Variants in CDC40 observed in about 807,000 individuals in gnomAD.
CDC40 encodes cell division cycle 40.
CDC40 carries 27 observed loss-of-function variants against 80.6 expected under a neutral mutation model. The observed-to-expected ratio is 0.33, with a 90% CI of 0.25 to 0.46. CDC40 has a LOEUF of 0.46. CDC40 is among the 20% of genes least tolerant of loss of function. CDC40 has a pLI of 1.00. For missense variants in CDC40, 486 were observed against 694.1 expected, an observed-to-expected ratio of 0.70 and a Z score of 3.37; for synonymous variants, 221 against 232.6, an observed-to-expected ratio of 0.95 and a Z score of 0.45.
chr6:110,214,455 A>G (rs553270782), intron 8 of CDC40, among the ~76,000 whole-genome samples: 3 of 152,336 alleles, frequency 2.0e-5, no homozygotes, highest in Admixed American at 1.3e-4. Context: ...TAAGTAAAGG[A>G]TGAGGAAACA....
Position 110,228,183 on chromosome 6 carries a change from T to G in CDC40, c.1418-649T>G, listed in dbSNP as rs934111437. 3.9e-5 allele frequency among the ~76,000 whole-genome samples: 6 copies of G among 152,288 alleles called. 1 individual carries two copies. Among genetic ancestry groups the G allele is most frequent in the Middle Eastern group, 6.8e-3 (2 of 294 alleles). On this transcript the variant is annotated intron_variant, in intron 13 of 14. Transcript: ENST00000307731. Reference sequence around the variant, plus strand: ...GAAAAGGTACAGTAAAATCTCAGCATAGAAAAGGTACAGTTAAAATTTAGC... The same window carrying G: ...GAAAAGGTACAGTAAAATCTCAGCAGAGAAAAGGTACAGTTAAAATTTAGC...
chr6:110,180,980 C>T (rs965390843), intron 1 of CDC40, among the ~76,000 whole-genome samples: 2 of 152,186 alleles, frequency 1.3e-5, no homozygotes, highest in Admixed American at 6.5e-5. Context: ...ATTGTGTGAG[C>T]AGTGGCCTCG....
intron 2 of CDC40, chr6:110,198,987 C>T (rs1777454874): frequency 6.6e-6 from 1 of 152,138 alleles, no homozygotes; most frequent in South Asian, 2.1e-4. Context: ...GAGCTGAGTC[C>T]TGCTAAGTAG....
rs1310347398 is a variant in CDC40 at position 110,198,861 on chromosome 6, T to G, written c.277-2697T>G. The G allele has an allele frequency of 2.0e-5, 3 of 152,170 alleles. No homozygotes were observed. In the East Asian group the frequency reaches 5.8e-4, roughly 29 times the overall value. The allele number at this position is 152,170 out of a possible 1,614,324, so 9.4% of individuals were successfully genotyped here. A position where few individuals can be genotyped will look rare whatever the true frequency, so the allele number is the denominator to read the frequency against. On this transcript the variant is annotated intron_variant, in intron 2 of 14. Transcript: ENST00000307731. ...AACTTGAAGTGTTTGGAAATCAAAT[T>G]TGTGTGTTTTCCATGTGTTCTGTTG...
Position 110,219,354 on chromosome 6 carries a change from T to C in CDC40, c.1091-10T>C. 8.0e-7 allele frequency: 1 copy of C among 1,243,872 alleles called. No homozygotes were observed. The highest frequency in any genetic ancestry group is 1.2e-6 in the Non-Finnish European group (1 of 859,860). 77.1% of individuals were successfully genotyped at this position (1,243,872 alleles called of 1,614,324 possible). Reference sequence around the variant, plus strand: ...TATTTTACCTATTTAATTTGAGTCTTTGGTTTTAGGACAGTGTATATCAAG... The same window carrying C: ...TATTTTACCTATTTAATTTGAGTCTCTGGTTTTAGGACAGTGTATATCAAG... On this transcript the variant is annotated splice_polypyrimidine_tract_variant and intron_variant, in intron 10 of 14. Coordinates refer to ENST00000307731, the MANE Select transcript of CDC40 (RefSeq NM_015891.3).
intron 1 of CDC40, among the ~76,000 whole-genome samples, chr6:110,186,626 T>C (rs78983281): frequency 1.9e-3 from 291 of 152,356 alleles, no homozygotes; most frequent in African/African-American, 6.4e-3. Context: ...CTGATTTTCA[T>C]TGTTACTGAT....
intron 9 of CDC40, 30 bp downstream of exon 9, chr6:110,215,361 C>T (rs763808954): frequency 1.1e-5 from 18 of 1,576,596 alleles, no homozygotes; most frequent in Non-Finnish European, 1.6e-5. Flanking sequence ...CAACATAAAT[C>T]TGGGAAGAAT....
chr6:110,217,331 T>C (rs1250904429), intron 9 of CDC40, among the ~76,000 whole-genome samples: 1 of 152,242 alleles, frequency 6.6e-6, no homozygotes, highest in Non-Finnish European at 1.5e-5. Context: ...TTTCTTTCAC[T>C]GGCAATAATT....
chr6:110,199,831 C>T (rs1365705988), intron 2 of CDC40, among the ~76,000 whole-genome samples: 1 of 152,052 alleles, frequency 6.6e-6, no homozygotes, highest in Non-Finnish European at 1.5e-5. Context: ...CTCCACCCCA[C>T]CTCTGACCAG....
intron 12 of CDC40, among the ~76,000 whole-genome samples, chr6:110,221,291 A>G (rs1295886846): frequency 1.3e-5 from 2 of 152,204 alleles, no homozygotes; most frequent in African/African-American, 4.8e-5. Flanking sequence ...CTGCTTTAAC[A>G]AGTGGAAAGC....
At chr6:110,206,796 C>G (rs1048011963) in intron 3 of CDC40, among the ~76,000 whole-genome samples, 2 of 151,824 alleles carry the variant, frequency 1.3e-5, no homozygotes, top group Non-Finnish European at 1.5e-5. Flanking sequence ...TATCTATTAC[C>G]AAGAAGAAAA....
intron 1 of CDC40, among the ~76,000 whole-genome samples, chr6:110,189,593 T>C (rs922365016): frequency 5.3e-5 from 8 of 152,220 alleles, no homozygotes; most frequent in Non-Finnish European, 7.3e-5. Flanking sequence ...CACTCCTCTT[T>C]TCAGAGGCTA....
At chr6:110,220,599 C>T (rs947761542) in intron 12 of CDC40, among the ~76,000 whole-genome samples, 19 of 152,028 alleles carry the variant, frequency 1.2e-4, no homozygotes, top group African/African-American at 3.4e-4. Context: ...CGCCCGCCAC[C>T]ACGCCCGGCT....
chr6:110,180,589 T>C lies in CDC40; in HGVS notation c.145T>C (p.Ser49Pro). 2 of 1,614,162 alleles carry C rather than the reference T, an allele frequency of 1.2e-6. No individual in the cohort carries two copies. Among genetic ancestry groups the C allele is most frequent in the Non-Finnish European group, 1.7e-6 (2 of 1,180,016 alleles). The change falls in exon 1 of 15, where the codon TCT becomes CCT. Residue 49 changes from serine (S) to proline (P), a missense_variant. This residue lies in a region of CDC40 where 381 missense variants were observed against 492.1 expected (regional missense o/e 0.77). Transcript: ENST00000307731. ...HLTKSPSSKP[S>P]LAVAVDSAPE... is the part of the protein sequence containing the mutation. ...GACTAAATCGCCTTCATCAAAGCCG[T>C]CTCTAGCAGTGGCAGTGGACTCGGC...
intron 8 of CDC40, among the ~76,000 whole-genome samples, chr6:110,214,230 G>A (rs1777672698): frequency 6.6e-6 from 1 of 151,892 alleles, no homozygotes; most frequent in Non-Finnish European, 1.5e-5. Flanking sequence ...TTGAGATGTT[G>A]GTCTTTTCTT....
intron 9 of CDC40, among the ~76,000 whole-genome samples, chr6:110,216,459 G>T (rs1244171912): frequency 6.6e-6 from 1 of 152,188 alleles, no homozygotes; most frequent in African/African-American, 2.4e-5. Context: ...TCTCAGCTGT[G>T]TACAGGGGAA....
intron 1 of CDC40, among the ~76,000 whole-genome samples, chr6:110,192,478 TA>T (rs1021134682): frequency 2.6e-5 from 4 of 152,168 alleles, no homozygotes; most frequent in African/African-American, 4.8e-5. Context: ...CCCTTTTGGA[TA>T]TATTAAGTTT....
At chr6:110,204,653 AT>A (rs1438956316) in intron 3 of CDC40, among the ~76,000 whole-genome samples, 1 of 131,904 alleles carries the variant, frequency 7.6e-6, no homozygotes, top group Non-Finnish European at 1.6e-5. Context: ...TAAAAGTCCT[AT>A]TTCTCTTTTT....
intron 13 of CDC40, 97 bp from the exon 14 acceptor site, chr6:110,228,735 C>A: frequency 1.1e-6 from 1 of 928,618 alleles, no homozygotes; most frequent in Non-Finnish European, 1.5e-6. Flanking sequence ...TATTTGGGAG[C>A]AAAACTTATA....
Sources: allele counts gnomAD v4.1 joint callset (sites outside exome capture counted in the v4.1 genomes callset), GRCh38; gene constraint gnomAD v4.1.1; regional missense constraint gnomAD v4.1.1; transcripts MANE v1.5; gene names NCBI Gene and HGNC (gene_info 2026-07-23, HGNC 2026-07-21).